The following TRPV4 variants were observed in gnomAD, a reference collection of about 807,000 sequenced individuals.
The protein encoded by TRPV4 is transient receptor potential cation channel subfamily V member 4.
A neutral mutation model predicts 84.1 loss-of-function variants in TRPV4; 58 were observed. The ratio of observed to expected loss-of-function variants is 0.69; its 90% CI spans 0.56 to 0.86. The LOEUF (loss-of-function observed/expected upper bound fraction) is 0.86, where lower values mean the gene tolerates loss of function less well. TRPV4 is among the 40% of genes least tolerant of loss of function. The pLI, the probability that TRPV4 is intolerant of heterozygous loss-of-function variation, is 0.00. For missense variants in TRPV4, 879 were observed against 1,181.1 expected (o/e 0.74, Z 3.75); for synonymous variants, 489 against 500.9 (o/e 0.98, Z 0.32).
At chr12:109,808,230 C>T (rs1418325956) in intron 3 of TRPV4, 66 bp downstream of exon 3, 3 of 1,588,110 alleles carry the variant, frequency 1.9e-6, no homozygotes, top group East Asian at 2.3e-5. Flanking sequence ...GAAAGGGGGC[C>T]CCCAATGCCA....
At chr12:109,799,740 G>A (rs925378170) in intron 5 of TRPV4, among the ~76,000 whole-genome samples, 2 of 152,088 alleles carry the variant, frequency 1.3e-5, no homozygotes, top group Non-Finnish European at 2.9e-5. Context: ...GCAGAGTGAG[G>A]ATTTGGCTTT....
chr12:109,788,332 G>T (rs1251569364), intron 13 of TRPV4, 68 bp downstream of exon 13: 16 of 1,495,184 alleles, frequency 1.1e-5, no homozygotes, highest in Non-Finnish European at 1.5e-5. Flanking sequence ...GAGGAAGCCA[G>T]TCGGGTGGGT....
chr12:109,827,552 AACAC>A (rs79477384), intron 1 of TRPV4, among the ~76,000 whole-genome samples: 2 of 150,514 alleles, frequency 1.3e-5, no homozygotes, highest in African/African-American at 2.4e-5. Context: ...ACCCTCCATA[AACAC>A]ACACACACAC....
intron 1 of TRPV4, among the ~76,000 whole-genome samples, chr12:109,817,925 C>T (rs1432490171): frequency 6.6e-6 from 1 of 152,184 alleles, no homozygotes; most frequent in Non-Finnish European, 1.5e-5. Context: ...CAGCCCCACA[C>T]CACAAAAAAA....
At chr12:109,827,593 C>T (rs1206825175) in intron 1 of TRPV4, among the ~76,000 whole-genome samples, 1 of 151,906 alleles carries the variant, frequency 6.6e-6, no homozygotes, top group Non-Finnish European at 1.5e-5. Context: ...TACATATACA[C>T]ATTACACACA....
chr12:109,808,808 A>T (rs1359610466), intron 2 of TRPV4, among the ~76,000 whole-genome samples: 1 of 146,716 alleles, frequency 6.8e-6, no homozygotes, highest in Non-Finnish European at 1.5e-5. Flanking sequence ...CCACCCACTC[A>T]TCCATCTATC....
At chr12:109,785,279 TGTTGGTATTACAGTCAC>T (rs1203840028) in intron 14 of TRPV4, among the ~76,000 whole-genome samples, 1 of 152,188 alleles carries the variant, frequency 6.6e-6, no homozygotes, top group African/African-American at 2.4e-5. Context: ...CTTCCCAAAG[TGTTGGTATTACAGTCAC>T]CACGCCTGGC....
Position 109,794,431 on chromosome 12 carries a change from C to A in TRPV4, c.1389G>T (p.Trp463Cys). 1 of 1,614,082 alleles carries A rather than the reference C, an allele frequency of 6.2e-7. No individual in the cohort carries two copies. ...AGAAGGAGACGGCCCCGAACTTGCG[C>A]CACTTGTCCCGCAGCAGTTCATTGA... is the stretch of plus-strand genomic sequence containing the variant. ...EPINELLRDKWRKFGAVSFYI... is the reference protein window; with the variant it reads ...EPINELLRDKCRKFGAVSFYI... Residue 463 changes from tryptophan to cysteine, a missense_variant, in exon 8 of 16, where the codon TGG (tryptophan) becomes TGT (cysteine). This residue lies in a region of TRPV4 where 521 missense variants were observed against 686.6 expected (regional missense o/e 0.76). Transcript: ENST00000261740.
chr12:109,833,265 G>A (rs1464129959), intron 1 of TRPV4, 85 bp downstream of exon 1: 1 of 152,310 alleles, frequency 6.6e-6, no homozygotes, highest in Non-Finnish European at 1.5e-5. Flanking sequence ...GGGACCCCCC[G>A]GAGCCGGACG....
intron 3 of TRPV4, among the ~76,000 whole-genome samples, chr12:109,804,397 G>T (rs759087906): frequency 6.6e-6 from 1 of 152,118 alleles, no homozygotes; most frequent in African/African-American, 2.4e-5. Flanking sequence ...CAGGTTTGAG[G>T]CCTGGCTTTG....
chr12:109,800,469 C>T, intron 5 of TRPV4, 149 bp downstream of exon 5: 1 of 984,836 alleles, frequency 1.0e-6, no homozygotes, highest in Non-Finnish European at 1.5e-6. Context: ...CAACGTGCAG[C>T]CTGTGGTCCA....
At chr12:109,822,849 T>C (rs1403293859) in intron 1 of TRPV4, among the ~76,000 whole-genome samples, 1 of 152,242 alleles carries the variant, frequency 6.6e-6, no homozygotes, top group East Asian at 1.9e-4. Flanking sequence ...CTGAGCCCAG[T>C]GCCTGGTACA....
chr12:109,794,562 C>A, intron 7 of TRPV4, 75 bp from the exon 8 acceptor site: 1 of 1,487,198 alleles, frequency 6.7e-7, no homozygotes, highest in Non-Finnish European at 9.3e-7. Context: ...CTCGGGTGTG[C>A]CTTCCCCCAC....
intron 12 of TRPV4, among the ~76,000 whole-genome samples, chr12:109,792,012 C>T (rs1890069334): frequency 6.6e-6 from 1 of 151,300 alleles, no homozygotes; most frequent in African/African-American, 2.4e-5. Flanking sequence ...GGGTGGATCA[C>T]CTGAGGTCAG....
At position 109,786,630 on chromosome 12, in the gene TRPV4, A is replaced by G; in HGVS notation, c.2336+80T>C. 6.3e-7 allele frequency: 1 copy of G among 1,576,730 alleles called. No homozygotes were observed. Among genetic ancestry groups the G allele is most frequent in the Non-Finnish European group, 8.6e-7 (1 of 1,158,432 alleles). ...TGGCTCCAGAAATTGCAATGGGTAG[A>G]CGACGCTGGAGCAGCAGGGGCCCCG... is the stretch of plus-strand genomic sequence containing the variant. On this transcript the variant is annotated intron_variant, in intron 14 of 15. Transcript: ENST00000261740. The surrounding 1 kb of genome is among the most constrained non-coding windows in gnomAD (Gnocchi z 4.5).
chr12:109,797,723 T>C (rs558444465), intron 6 of TRPV4, among the ~76,000 whole-genome samples: 2 of 152,252 alleles, frequency 1.3e-5, no homozygotes, highest in African/African-American at 4.8e-5. Flanking sequence ...TTTTTATTTA[T>C]TTGGGATCTC....
intron 10 of TRPV4, 68 bp from the exon 11 acceptor site, chr12:109,792,885 G>A (rs777808553): frequency 3.9e-6 from 6 of 1,540,968 alleles, no homozygotes; most frequent in Non-Finnish European, 5.3e-6. Flanking sequence ...TGGAGGGGAA[G>A]ACACGCCTCC....
chr12:109,821,691 C>T (rs982325523), intron 1 of TRPV4, among the ~76,000 whole-genome samples: 3 of 152,008 alleles, frequency 2.0e-5, no homozygotes, highest in Non-Finnish European at 4.4e-5. Flanking sequence ...CCACAACACC[C>T]GGCTAATTTT....
chr12:109,795,698 T>A (rs1338797956), intron 7 of TRPV4, among the ~76,000 whole-genome samples: 1 of 152,162 alleles, frequency 6.6e-6, no homozygotes, highest in Non-Finnish European at 1.5e-5. Context: ...AGAACGACGT[T>A]CACAAAATAC....
Sources: gnomAD v4.1 joint callset for allele counts (sites outside exome capture counted in the v4.1 genomes callset) on GRCh38, gnomAD v4.1.1 for gene constraint, gnomAD v4.1.1 regional missense constraint, Gnocchi (gnomAD v3.1) non-coding constraint, MANE v1.5 for transcripts, NCBI Gene and HGNC (gene_info 2026-07-23, HGNC 2026-07-21) for gene names.